DEK: variants seen among roughly 807,000 people sequenced by gnomAD.
The protein encoded by DEK is protein DEK.
A neutral mutation model predicts 46.8 loss-of-function variants in DEK; 28 were observed. That is an observed-to-expected ratio of 0.60 (90% confidence interval 0.44 to 0.82). DEK has a LOEUF of 0.82. Among genes scored for constraint, DEK ranks in the 40% least tolerant of loss-of-function variants. DEK has a pLI of 0.00. For missense variants in DEK, 416 were observed against 430.6 expected, an observed-to-expected ratio of 0.97 and a Z score of 0.30; for synonymous variants, 160 against 144.5, an observed-to-expected ratio of 1.11 and a Z score of -0.77.
rs1422266909 is a variant in DEK, at chr6:18,225,665, T to C, written c.*54A>G. 1.9e-6 allele frequency: 3 copies of C among 1,594,738 alleles called. No homozygotes were observed. Among genetic ancestry groups the C allele is most frequent in the East Asian group, 2.2e-5 (1 of 44,446 alleles). ...TACATTCTCTTTGCTGGTATAATGG[T>C]ATAAATCAGATCTTCAAATCTATGG... On this transcript the variant is annotated 3_prime_UTR_variant, in exon 11 of 11. Coordinates refer to ENST00000652689, the MANE Select transcript of DEK (RefSeq NM_003472.4).
At chr6:18,250,568 CTTTTTTTTTTTT>C (rs70974716) in intron 6 of DEK, among the ~76,000 whole-genome samples, 6 of 62,818 alleles carry the variant, frequency 9.6e-5, no homozygotes, top group East Asian at 5.4e-4. Flanking sequence ...GGAGAAAAAC[CTTTTTTTTTTTT>C]TTTTTTTTTT....
rs531547978 is a variant in DEK, at chr6:18,223,896, G to T, written c.*1823C>A. ...TGATACATCCATTTAATAAGTGTGC[G>T]TACTCATCAAGAACTTTCATACAGA... On this transcript the variant is annotated 3_prime_UTR_variant, in exon 11 of 11. Transcript: ENST00000652689. 6.6e-6 allele frequency: 1 copy of T among 152,116 alleles called. No homozygotes were observed. The highest frequency in any genetic ancestry group is 2.4e-5 in the African/African-American group (1 of 41,418). The allele number at this position is 152,116 out of a possible 1,614,324, so 9.4% of individuals were successfully genotyped here.
intron 6 of DEK, among the ~76,000 whole-genome samples, chr6:18,250,869 T>A (rs1752828372): frequency 6.6e-6 from 1 of 152,188 alleles, no homozygotes; most frequent in African/African-American, 2.4e-5. Context: ...TTTATATTCA[T>A]TACTTCTGGC....
intron 9 of DEK, among the ~76,000 whole-genome samples, chr6:18,233,381 C>G (rs1295941748): frequency 3.3e-5 from 5 of 152,254 alleles, no homozygotes; most frequent in African/African-American, 1.2e-4. Context: ...AGGTTCTGCA[C>G]AGCAAAAGAA....
chr6:18,258,122 T>A, intron 3 of DEK, 60 bp from the exon 4 acceptor site: 1 of 1,266,706 alleles, frequency 7.9e-7, no homozygotes, highest in Non-Finnish European at 1.1e-6. Flanking sequence ...TTTACAAAGT[T>A]AATTTAATGA....
intron 7 of DEK, among the ~76,000 whole-genome samples, chr6:18,242,943 A>G (rs536957980): frequency 6.6e-5 from 10 of 152,144 alleles, no homozygotes; most frequent in African/African-American, 2.4e-4. Context: ...TTATGGCCAC[A>G]GTGCAGGATA....
At chr6:18,235,475 T>C (rs1790606191) in intron 9 of DEK, among the ~76,000 whole-genome samples, 1 of 152,216 alleles carries the variant, frequency 6.6e-6, no homozygotes. Context: ...CTTTTCCAGA[T>C]TCCCCCAGCC....
At chr6:18,240,860 C>G (rs1193566158) in intron 7 of DEK, among the ~76,000 whole-genome samples, 10 of 152,138 alleles carry the variant, frequency 6.6e-5, no homozygotes, top group Non-Finnish European at 1.2e-4. Flanking sequence ...CACAGTGAGA[C>G]AAACTCAATA....
intron 6 of DEK, 58 bp downstream of exon 6, chr6:18,255,673 T>C: frequency 6.5e-7 from 1 of 1,542,872 alleles, no homozygotes; most frequent in Non-Finnish European, 8.7e-7. Flanking sequence ...CAATTTTTGT[T>C]TCATATAAAG....
intron 6 of DEK, among the ~76,000 whole-genome samples, chr6:18,253,426 A>C (rs1196773571): frequency 2.6e-5 from 4 of 152,162 alleles, no homozygotes; most frequent in East Asian, 3.9e-4. Flanking sequence ...TGATGAGATG[A>C]TATTTATATT....
chr6:18,250,072 T>C (rs1220093753), intron 6 of DEK, among the ~76,000 whole-genome samples: 5 of 152,192 alleles, frequency 3.3e-5, no homozygotes, highest in Non-Finnish European at 7.3e-5. Flanking sequence ...TAGAGAAATA[T>C]GTATTCTAGG....
At chr6:18,233,702 T>G (rs981567007) in intron 9 of DEK, among the ~76,000 whole-genome samples, 4 of 152,042 alleles carry the variant, frequency 2.6e-5, no homozygotes, top group Admixed American at 2.6e-4. Flanking sequence ...AAACAACAGG[T>G]GCTGGAGAGG....
At chr6:18,264,093 C>A (rs558556927) in intron 1 of DEK, 97 bp from the exon 2 acceptor site, 16 of 1,179,884 alleles carry the variant, frequency 1.4e-5, no homozygotes, top group Middle Eastern at 2.6e-4. Flanking sequence ...CCGCGGGACA[C>A]CTGCCCTGAA....
intron 6 of DEK, 24 bp downstream of exon 6, chr6:18,255,706 GA>G: frequency 1.9e-6 from 3 of 1,580,592 alleles, no homozygotes; most frequent in East Asian, 2.2e-5. Context: ...ACTGATTTAT[GA>G]AAAAAATAAA....
intron 4 of DEK, among the ~76,000 whole-genome samples, chr6:18,257,263 C>T (rs1791639269): frequency 6.6e-6 from 1 of 152,160 alleles, no homozygotes; most frequent in Non-Finnish European, 1.5e-5. Flanking sequence ...TGTATGATCT[C>T]ATACAAATCA....
intron 9 of DEK, among the ~76,000 whole-genome samples, chr6:18,228,138 G>T (rs1444147601): frequency 6.6e-6 from 1 of 152,202 alleles, no homozygotes; most frequent in Admixed American, 6.5e-5. Flanking sequence ...TTTCTGTAAA[G>T]GGCTAGATGG....
Position 18,263,201 on chromosome 6 carries a change from T to C in DEK, c.145+642A>G, listed in dbSNP as rs532468022. On this transcript the variant is annotated intron_variant, in intron 2 of 10. Transcript: ENST00000652689. The stretch of plus-strand genomic sequence containing the variant: ...AGTCAAATCAGGGCTCATATCGCCC[T>C]CCCTTAAAACAGACACAGGTTCGAA... Among the ~76,000 whole-genome samples the C allele has an allele frequency of 1.5e-4, 23 of 152,272 alleles. No homozygotes were observed. The East Asian group carries it at 4.4e-3, about 29-fold the overall frequency.
chr6:18,263,867 C>A lies in DEK; in HGVS notation c.121G>T (p.Glu41Ter). The change falls in exon 2 of 11, where the codon GAG becomes TAG. Residue 41 changes from glutamate to a stop codon, truncating the protein, a stop_gained. Coordinates refer to ENST00000652689, the MANE Select transcript of DEK (RefSeq NM_003472.4). LOFTEE classifies it high-confidence loss of function. ...ESEEEEDEDD[E>*]EEEEEEKEKS... ...CCTTTTTCCTCCTCCTCCTCCTCCT[C>A]GTCGTCCTCGTCCTCTTCCTCCTCG... 1.2e-6 allele frequency: 2 copies of A among 1,612,628 alleles called. No homozygotes were observed. The highest frequency in any genetic ancestry group is 1.3e-5 in the African/African-American group (1 of 74,992).
intron 7 of DEK, chr6:18,244,744 T>A: frequency 2.9e-6 from 1 of 349,860 alleles, no homozygotes; most frequent in Non-Finnish European, 5.4e-6. Flanking sequence ...AAAGCAAGTT[T>A]AAATGGGTTT....
Sources: gnomAD v4.1 joint callset for allele counts (sites outside exome capture counted in the v4.1 genomes callset) on GRCh38, gnomAD v4.1.1 for gene constraint, MANE v1.5 for transcripts, NCBI Gene and HGNC (gene_info 2026-07-23, HGNC 2026-07-21) for gene names.